GPR39: variants seen among roughly 807,000 people sequenced by gnomAD.
GPR39 encodes the protein G protein-coupled receptor 39.
In GPR39, 23 loss-of-function variants were observed where a neutral mutation model predicts 18.4. The ratio of observed to expected loss-of-function variants is 1.25; its 90% CI spans 0.90 to 1.77. The LOEUF (loss-of-function observed/expected upper bound fraction) is 1.77. GPR39 is among the 40% of genes most tolerant of loss of function. The pLI is 0.00. For missense variants in GPR39, 647 were observed against 602.4 expected (o/e 1.07, Z -0.78); for synonymous variants, 280 against 257.9 (o/e 1.09, Z -0.82).
At chr2:132,453,241 G>A (rs1488550950) in intron 1 of GPR39, among the ~76,000 whole-genome samples, 1 of 152,176 alleles carries the variant, frequency 6.6e-6, no homozygotes, top group Non-Finnish European at 1.5e-5. Context: ...GTGATGATGA[G>A]CATTTTTTCA....
intron 1 of GPR39, among the ~76,000 whole-genome samples, chr2:132,554,523 G>T (rs1258216870): frequency 6.6e-6 from 1 of 152,194 alleles, no homozygotes; most frequent in Admixed American, 6.5e-5. Context: ...AGTTGGTCTT[G>T]TCTGTTGGCC....
At chr2:132,529,871 A>T (rs1679580415) in intron 1 of GPR39, among the ~76,000 whole-genome samples, 1 of 152,170 alleles carries the variant, frequency 6.6e-6, no homozygotes. Flanking sequence ...ATCATCAAAG[A>T]CCAAAGGTAG....
chr2:132,447,124 C>T (rs547998565), intron 1 of GPR39, among the ~76,000 whole-genome samples: 11 of 152,110 alleles, frequency 7.2e-5, no homozygotes, highest in East Asian at 1.9e-4. Flanking sequence ...TTGCAGTAAC[C>T]GCCAGCCTGG....
intron 1 of GPR39, among the ~76,000 whole-genome samples, chr2:132,510,468 G>C (rs1405620502): frequency 1.3e-5 from 2 of 152,148 alleles, no homozygotes; most frequent in Non-Finnish European, 2.9e-5. Context: ...GAATCACTGG[G>C]ATAAAGTGTT....
intron 1 of GPR39, among the ~76,000 whole-genome samples, chr2:132,507,892 G>A (rs148595220): frequency 1.1e-3 from 163 of 152,274 alleles, no homozygotes; most frequent in African/African-American, 3.5e-3. Flanking sequence ...GGAACGTGTC[G>A]CCCTCCCAGC....
At chr2:132,627,383 C>T (rs528595209) in intron 1 of GPR39, among the ~76,000 whole-genome samples, 31 of 152,282 alleles carry the variant, frequency 2.0e-4, no homozygotes, top group Admixed American at 1.3e-3. Context: ...CAGAAAACCA[C>T]GGAAACTCAG....
chr2:132,445,940 C>T (rs1023659187), intron 1 of GPR39, among the ~76,000 whole-genome samples: 4 of 152,052 alleles, frequency 2.6e-5, no homozygotes, highest in East Asian at 3.9e-4. Flanking sequence ...ATGGGCATTT[C>T]GTCAGTCACA....
At chr2:132,591,676 T>C (rs1439175103) in intron 1 of GPR39, among the ~76,000 whole-genome samples, 1 of 152,222 alleles carries the variant, frequency 6.6e-6, no homozygotes. Flanking sequence ...TGACAATTTA[T>C]GGTGGAATTG....
intron 1 of GPR39, among the ~76,000 whole-genome samples, chr2:132,560,496 C>T (rs1160161480): frequency 6.6e-6 from 1 of 152,226 alleles, no homozygotes; most frequent in Non-Finnish European, 1.5e-5. Flanking sequence ...TCTATGTAAT[C>T]TATCACTACC....
intron 1 of GPR39, chr2:132,604,291 T>C (rs1030194486): frequency 3.3e-5 from 5 of 151,968 alleles, no homozygotes; most frequent in African/African-American, 1.2e-4. Flanking sequence ...GCCAGAATGA[T>C]TTAAAAAAAA....
chr2:132,484,027 A>G (rs377245271), intron 1 of GPR39, among the ~76,000 whole-genome samples: 20 of 152,156 alleles, frequency 1.3e-4, no homozygotes, highest in Non-Finnish European at 2.4e-4. Context: ...ATTTAAACCC[A>G]AGGAACTGAG....
chr2:132,540,658 G>T (rs1405542682), intron 1 of GPR39, among the ~76,000 whole-genome samples: 1 of 152,156 alleles, frequency 6.6e-6, no homozygotes, highest in Non-Finnish European at 1.5e-5. Context: ...GGCCACCTGG[G>T]TTGGAGGGTT....
In GPR39 at chr2:132,417,307, A is replaced by G. The variant is rs1056713977; in HGVS notation, c.265A>G (p.Met89Val). The G allele has an allele frequency of 2.5e-6, 4 of 1,614,028 alleles. No homozygotes were observed. Among genetic ancestry groups the G allele is most frequent in the African/African-American group, 2.7e-5 (2 of 74,916 alleles). The change falls in exon 1 of 2, where the codon ATG becomes GTG. Residue 89 changes from methionine (M) to valine (V), a missense_variant. Around this residue, in one of 3 missense-constraint regions of GPR39, gnomAD observed 581 missense variants for 506.8 expected, o/e 1.15. Transcript: ENST00000329321. ...DILVFLIGMP[M>V]EFYSIIWNPL... ...CTTGGTGTTCCTCATCGGCATGCCC[A>G]TGGAGTTCTACAGCATCATCTGGAA... is the stretch of plus-strand genomic sequence containing the variant.
At chr2:132,568,086 C>T (rs1680383077) in intron 1 of GPR39, among the ~76,000 whole-genome samples, 1 of 152,024 alleles carries the variant, frequency 6.6e-6, no homozygotes, top group Non-Finnish European at 1.5e-5. Flanking sequence ...ATGAAGAGTT[C>T]CCATATGATT....
At chr2:132,620,096 TG>T (rs1242488538) in intron 1 of GPR39, among the ~76,000 whole-genome samples, 1 of 152,244 alleles carries the variant, frequency 6.6e-6, no homozygotes, top group East Asian at 1.9e-4. Context: ...CTCAGTCAGC[TG>T]GGGTCTCTCT....
At chr2:132,604,253 T>G (rs538821987) in intron 1 of GPR39, among the ~76,000 whole-genome samples, 14 of 152,236 alleles carry the variant, frequency 9.2e-5, no homozygotes, top group African/African-American at 1.2e-4. Flanking sequence ...AACTCATATC[T>G]GGGCACATGA....
chr2:132,583,652 A>G (rs1438326698), intron 1 of GPR39, among the ~76,000 whole-genome samples: 1 of 151,818 alleles, frequency 6.6e-6, no homozygotes, highest in Non-Finnish European at 1.5e-5. Context: ...ATGGGTTGAG[A>G]TTGAAGAGGG....
At chr2:132,623,655 C>G (rs1429605144) in intron 1 of GPR39, among the ~76,000 whole-genome samples, 1 of 152,152 alleles carries the variant, frequency 6.6e-6, no homozygotes, top group East Asian at 1.9e-4. Flanking sequence ...CCTAACTTCT[C>G]TTGATGTTTC....
chr2:132,475,281 A>C, intron 1 of GPR39, among the ~76,000 whole-genome samples: 1 of 151,340 alleles, frequency 6.6e-6, no homozygotes, highest in East Asian at 1.9e-4. Context: ...TGTGTTAGCA[A>C]AGTTCTACAG....
Sources: gnomAD v4.1 joint callset for allele counts (sites outside exome capture counted in the v4.1 genomes callset) on GRCh38, gnomAD v4.1.1 for gene constraint, gnomAD v4.1.1 regional missense constraint, MANE v1.5 for transcripts, NCBI Gene and HGNC (gene_info 2026-07-23, HGNC 2026-07-21) for gene names.